The following RORA variants were observed in gnomAD, a reference collection of about 807,000 sequenced individuals.
The protein encoded by RORA is RAR related orphan receptor A, also known as nuclear receptor ROR-alpha.
A neutral mutation model predicts 69.5 loss-of-function variants in RORA; 7 were observed. The observed-to-expected ratio is 0.10, with a 90% CI of 0.06 to 0.19. The LOEUF is 0.19. RORA is among the 10% of genes least tolerant of loss of function. The pLI, the probability that RORA is intolerant of heterozygous loss-of-function variation, is 1.00. For synonymous variants in RORA, 261 were observed against 240.8 expected (o/e 1.08, Z -0.78); for missense variants, 457 against 663.0 (o/e 0.69, Z 3.41).
intron 2 of RORA, among the ~76,000 whole-genome samples, chr15:60,597,551 C>CACAACATATAT (rs1555435946): frequency 4.0e-5 from 1 of 25,130 alleles, no homozygotes; most frequent in Non-Finnish European, 7.4e-5. Context: ...ACACACACAA[C>CACAACATATAT]ATATATATAT....
At chr15:60,895,359 G>A (rs1891202887) in intron 1 of RORA, among the ~76,000 whole-genome samples, 1 of 152,176 alleles carries the variant, frequency 6.6e-6, no homozygotes, top group African/African-American at 2.4e-5. Flanking sequence ...AAAAGAAGGA[G>A]CTGGAGGACA....
chr15:60,907,825 G>A (rs575837368), intron 1 of RORA, among the ~76,000 whole-genome samples: 4 of 152,168 alleles, frequency 2.6e-5, no homozygotes, highest in Non-Finnish European at 5.9e-5. Context: ...TGTCAAGAGG[G>A]CTATGCAAAG....
intron 1 of RORA, among the ~76,000 whole-genome samples, chr15:61,187,746 G>C (rs2079758305): frequency 6.6e-6 from 1 of 152,162 alleles, no homozygotes; most frequent in Non-Finnish European, 1.5e-5. Flanking sequence ...GAAAGAAAAA[G>C]TTGACAAGCC....
At position 60,793,113 on chromosome 15, in the gene RORA, G is replaced by A. The variant is rs79463260; in HGVS notation, c.167-114427C>T. The stretch of plus-strand genomic sequence containing the variant: ...ACCTTGGGCAAAAAGTTAACTTCTT[G>A]GTGTTTTAGTTTCTTCATTTATAAC... On this transcript the variant is annotated intron_variant, in intron 1 of 10. Coordinates refer to ENST00000335670, the MANE Select transcript of RORA (RefSeq NM_134261.3). Among the ~76,000 whole-genome samples the A allele has an allele frequency of 4.7e-3, 714 of 152,054 alleles. 11 individuals carry two copies. Among genetic ancestry groups the A allele is most frequent in the African/African-American group, 0.017 (686 of 41,484 alleles).
At chr15:60,741,918 T>C (rs74682287) in intron 1 of RORA, among the ~76,000 whole-genome samples, 50 of 152,278 alleles carry the variant, frequency 3.3e-4, no homozygotes, top group African/African-American at 1.2e-3. Flanking sequence ...GGAAGCAACA[T>C]GCCACTCCCT....
chr15:60,503,776 C>CTCTTCGTGGCCCAGG, intron 6 of RORA, 109 bp from the exon 7 acceptor site: 2 of 1,274,302 alleles, frequency 1.6e-6, no homozygotes, highest in Non-Finnish European at 2.2e-6. Context: ...CCCTGGGCCA[C>CTCTTCGTGGCCCAGG]GAAGAGTGGC....
At chr15:60,691,977 C>A (rs532089126) in intron 1 of RORA, among the ~76,000 whole-genome samples, 51 of 152,328 alleles carry the variant, frequency 3.3e-4, no homozygotes, top group African/African-American at 1.1e-3. Context: ...GTGTGGCTGG[C>A]TTCTCCTACA....
chr15:60,711,686 A>G (rs148610851), intron 1 of RORA, among the ~76,000 whole-genome samples: 2 of 152,308 alleles, frequency 1.3e-5, no homozygotes, highest in Non-Finnish European at 2.9e-5. Flanking sequence ...TCAGTTTTCT[A>G]ACCTTCTGTC....
chr15:60,888,408 G>C (rs2073775561), intron 1 of RORA, among the ~76,000 whole-genome samples: 1 of 152,224 alleles, frequency 6.6e-6, no homozygotes, highest in African/African-American at 2.4e-5. Context: ...ATGTGTGACT[G>C]CTAAGGAAGA....
intron 1 of RORA, among the ~76,000 whole-genome samples, chr15:61,101,345 A>T (rs2078876628): frequency 6.6e-6 from 1 of 152,152 alleles, no homozygotes; most frequent in South Asian, 2.1e-4. Flanking sequence ...GTCATGAGAG[A>T]CTGAAAAAAA....
chr15:61,092,130 T>C (rs1190508205), intron 1 of RORA, among the ~76,000 whole-genome samples: 1 of 152,252 alleles, frequency 6.6e-6, no homozygotes, highest in Non-Finnish European at 1.5e-5. Context: ...GGATGCTTAA[T>C]AAATCATCAA....
intron 1 of RORA, among the ~76,000 whole-genome samples, chr15:60,998,162 T>C (rs544709379): frequency 6.6e-6 from 1 of 152,312 alleles, no homozygotes; most frequent in African/African-American, 2.4e-5. Flanking sequence ...CTTCATCATG[T>C]ATAATCTTTC....
intron 1 of RORA, among the ~76,000 whole-genome samples, chr15:61,014,958 A>AT (rs1262780655): frequency 6.6e-6 from 1 of 152,024 alleles, no homozygotes; most frequent in East Asian, 1.9e-4. Flanking sequence ...CTAAAACCTT[A>AT]TTTTTTCTGC....
At chr15:60,626,291 C>G (rs1350905443) in intron 2 of RORA, among the ~76,000 whole-genome samples, 2 of 152,116 alleles carry the variant, frequency 1.3e-5, no homozygotes, top group Non-Finnish European at 2.9e-5. Context: ...AAAATGATCC[C>G]TAGGGATTAG....
At chr15:60,869,719 C>T (rs1434095109) in intron 1 of RORA, among the ~76,000 whole-genome samples, 3 of 152,200 alleles carry the variant, frequency 2.0e-5, no homozygotes, top group African/African-American at 7.2e-5. Flanking sequence ...AATGCATAAG[C>T]AAGTGACCAC....
At chr15:60,911,471 T>C (rs1296040281) in intron 1 of RORA, among the ~76,000 whole-genome samples, 2 of 152,194 alleles carry the variant, frequency 1.3e-5, no homozygotes, top group Non-Finnish European at 2.9e-5. Context: ...TTGTGATTTC[T>C]AGGATCTTAG....
chr15:60,769,463 T>C (rs542843471), intron 1 of RORA, among the ~76,000 whole-genome samples: 1 of 152,312 alleles, frequency 6.6e-6, no homozygotes, highest in South Asian at 2.1e-4. Flanking sequence ...CATATGCACC[T>C]GTAAGCCAAG....
intron 1 of RORA, among the ~76,000 whole-genome samples, chr15:60,982,606 A>G (rs1894077436): frequency 6.6e-6 from 1 of 152,230 alleles, no homozygotes; most frequent in African/African-American, 2.4e-5. Context: ...AATAAGGTCC[A>G]TTCTGCTCCC....
chr15:61,074,033 A>G (rs2078409794), intron 1 of RORA, among the ~76,000 whole-genome samples: 1 of 152,182 alleles, frequency 6.6e-6, no homozygotes, highest in South Asian at 2.1e-4. Context: ...GGTGGGCTTC[A>G]GTGGTTTTCT....
Sources: allele counts gnomAD v4.1 joint callset (sites outside exome capture counted in the v4.1 genomes callset), GRCh38; gene constraint gnomAD v4.1.1; transcripts MANE v1.5; gene names NCBI Gene and HGNC (gene_info 2026-07-23, HGNC 2026-07-21).